Variants in SCYL2 observed in about 807,000 individuals in gnomAD.
SCYL2 encodes the protein SCY1-like protein 2.
Under a neutral mutation model 100.4 loss-of-function variants are expected in SCYL2, and 36 were observed. The ratio of observed to expected loss-of-function variants is 0.36; its 90% CI spans 0.27 to 0.47. The LOEUF is 0.47. Among genes scored for constraint, SCYL2 ranks in the 20% least tolerant of loss-of-function variants. The pLI, the probability that SCYL2 is intolerant of heterozygous loss-of-function variation, is 1.00. For synonymous variants in SCYL2, 330 were observed against 359.2 expected, an observed-to-expected ratio of 0.92 and a Z score of 0.92; for missense variants, 902 against 1,083.9, an observed-to-expected ratio of 0.83 and a Z score of 2.36.
intron 4 of SCYL2, among the ~76,000 whole-genome samples, chr12:100,304,667 T>A (rs2096331917): frequency 6.6e-6 from 1 of 152,108 alleles, no homozygotes; most frequent in Non-Finnish European, 1.5e-5. Context: ...ACCTTAAATG[T>A]AAACGGGCTA....
At chr12:100,299,894 G>C (rs1057123870) in intron 4 of SCYL2, among the ~76,000 whole-genome samples, 2 of 152,142 alleles carry the variant, frequency 1.3e-5, no homozygotes, top group Non-Finnish European at 2.9e-5. Flanking sequence ...GGAATGGCTA[G>C]ATCAAATAGT....
intron 12 of SCYL2, among the ~76,000 whole-genome samples, chr12:100,328,269 C>A (rs1474215515): frequency 6.9e-6 from 1 of 145,508 alleles, no homozygotes; most frequent in South Asian, 2.1e-4. Flanking sequence ...CAGGGCAAGA[C>A]CCTGTCTTAA....
chr12:100,330,797 C>T (rs1952199419), intron 13 of SCYL2, among the ~76,000 whole-genome samples: 2 of 150,258 alleles, frequency 1.3e-5, no homozygotes, highest in African/African-American at 4.9e-5. Flanking sequence ...GGGTAAGCCT[C>T]TGAAAATTTG....
chr12:100,273,596 A>G (rs1204873878), intron 1 of SCYL2, among the ~76,000 whole-genome samples: 1 of 152,184 alleles, frequency 6.6e-6, no homozygotes, highest in Non-Finnish European at 1.5e-5. Flanking sequence ...TGGATGATGG[A>G]TAGCATCTCA....
At chr12:100,293,246 T>A (rs932179038) in intron 3 of SCYL2, among the ~76,000 whole-genome samples, 5 of 152,170 alleles carry the variant, frequency 3.3e-5, no homozygotes, top group Admixed American at 3.3e-4. Flanking sequence ...TGCATGCTGC[T>A]GCACCTGGCT....
intron 1 of SCYL2, among the ~76,000 whole-genome samples, chr12:100,268,268 C>A (rs17030071): frequency 0.042 from 6,349 of 152,208 alleles, 475 homozygotes; most frequent in African/African-American, 0.14. Context: ...TCTAAGTAGC[C>A]TATCTCCGTT....
rs2096300644 is a variant in SCYL2 at position 100,283,099 on chromosome 12, T to A, written c.129T>A (p.Asn43Lys). 6.2e-7 allele frequency: 1 copy of A among 1,611,052 alleles called. No individual in the cohort carries two copies. Among genetic ancestry groups the A allele is most frequent in the African/African-American group, 1.3e-5 (1 of 74,886 alleles). ...GTCGACACATTGCCAGTGGTGGCAA[T>A]GGGCTAGCTTGGAAGATTTTTAATG... is the stretch of plus-strand genomic sequence containing the variant. ...DVGRHIASGG[N>K]GLAWKIFNGT... is the part of the protein sequence containing the mutation. Residue 43 changes from asparagine (N) to lysine (K), a missense_variant, in exon 2 of 18, where the codon AAT becomes AAA. Asn to Lys is a moderately conservative substitution (Grantham distance 94). Transcript: ENST00000360820.
At chr12:100,313,079 T>C (rs932716228) in intron 6 of SCYL2, among the ~76,000 whole-genome samples, 3 of 152,182 alleles carry the variant, frequency 2.0e-5, no homozygotes, top group African/African-American at 7.2e-5. Flanking sequence ...CAGTGAGCTA[T>C]GATTGTGCCA....
intron 13 of SCYL2, among the ~76,000 whole-genome samples, chr12:100,330,771 T>C (rs1592969580): frequency 1.3e-5 from 2 of 152,060 alleles, no homozygotes; most frequent in Middle Eastern, 3.2e-3. Context: ...GAATGAACAT[T>C]TCATTTGAAG....
At chr12:100,281,613 C>T (rs1211025646) in intron 1 of SCYL2, among the ~76,000 whole-genome samples, 4 of 152,250 alleles carry the variant, frequency 2.6e-5, no homozygotes, top group South Asian at 2.1e-4. Flanking sequence ...GCGGGCAGAT[C>T]ACAAGGTCAG....
intron 3 of SCYL2, among the ~76,000 whole-genome samples, chr12:100,295,116 C>T (rs1372491381): frequency 4.0e-5 from 6 of 151,046 alleles, no homozygotes; most frequent in African/African-American, 7.3e-5. Context: ...CGGGCAGAGA[C>T]GCTCTTCACT....
chr12:100,312,652 A>C lies in SCYL2; in HGVS notation c.851A>C (p.Gln284Pro). 6.2e-7 allele frequency: 1 copy of C among 1,604,162 alleles called. No homozygotes were observed. The highest frequency in any genetic ancestry group is 8.5e-7 in the Non-Finnish European group (1 of 1,174,042). Residue 284 changes from glutamine (Q) to proline (P), a missense_variant and splice_region_variant, in exon 6 of 18, where the codon CAG (glutamine) becomes CCG (proline). Gln to Pro is a moderately conservative substitution (Grantham distance 76). Transcript: ENST00000360820. ...AAGAGTTTCAGTAGGCAGTTGGATC[A>C]GGTATTTGCCTATAAATAATTTGCT... ...IYKSFSRQLD[Q>P]LSRLGSSSLT...
chr12:100,275,932 A>G (rs1055687271), intron 1 of SCYL2, among the ~76,000 whole-genome samples: 1 of 152,078 alleles, frequency 6.6e-6, no homozygotes, highest in Admixed American at 6.5e-5. Flanking sequence ...TACTGAGATT[A>G]TCTTGCTTTT....
At chr12:100,276,057 C>G (rs1731434037) in intron 1 of SCYL2, among the ~76,000 whole-genome samples, 1 of 152,106 alleles carries the variant, frequency 6.6e-6, no homozygotes. Flanking sequence ...GTTCTAATAT[C>G]TTAAGGATTT....
intron 3 of SCYL2, among the ~76,000 whole-genome samples, chr12:100,294,517 C>G (rs2096315631): frequency 1.3e-5 from 1 of 76,818 alleles, no homozygotes; most frequent in Admixed American, 1.1e-4. Flanking sequence ...GGGCTGACTC[C>G]CCCAGGCTGA....
rs370597191 is a variant in SCYL2, at chr12:100,278,919, C to T, written c.-28-4024C>T. On this transcript the variant is annotated intron_variant, in intron 1 of 17. Transcript: ENST00000360820. Reference sequence around the variant, plus strand: ...CTGGGATTACAGGCGTGAGCCACCGCGCCTGGCCAGTCTGAGGAAATTCTT... The same window carrying T: ...CTGGGATTACAGGCGTGAGCCACCGTGCCTGGCCAGTCTGAGGAAATTCTT... 4.2e-4 allele frequency among the ~76,000 whole-genome samples: 64 copies of T among 152,190 alleles called. No individual in the cohort carries two copies. In the South Asian group the frequency reaches 0.013, roughly 31 times the overall value.
chr12:100,268,211 A>G (rs2096281926), intron 1 of SCYL2, among the ~76,000 whole-genome samples: 1 of 152,208 alleles, frequency 6.6e-6, no homozygotes, highest in Non-Finnish European at 1.5e-5. Context: ...CTCAGGAATT[A>G]TTTGTGATGA....
Position 100,291,545 on chromosome 12 carries a change from T to C in SCYL2, c.220T>C (p.Tyr74His), listed in dbSNP as rs2096310638. 1.9e-6 allele frequency: 3 copies of C among 1,584,056 alleles called. No homozygotes were observed. Among genetic ancestry groups the C allele is most frequent in the African/African-American group, 2.7e-5 (2 of 73,626 alleles). Residue 74 changes from tyrosine to histidine, a missense_variant, in exon 3 of 18, where the codon TAT (tyrosine) becomes CAT (histidine). Physicochemically the swap from Tyr to His is moderately conservative, Grantham distance 83. Transcript: ENST00000360820. ...FVFDKKLIDK[Y>H]QKFEKDQIID... ...CTTTGATAAAAAACTGATTGACAAGTATCAAAAATTTGAAAAGGATCAAAT... is the reference window on the plus strand; with the variant it reads ...CTTTGATAAAAAACTGATTGACAAGCATCAAAAATTTGAAAAGGATCAAAT...
At chr12:100,324,050 G>T (rs1444697622) in intron 11 of SCYL2, among the ~76,000 whole-genome samples, 1 of 152,014 alleles carries the variant, frequency 6.6e-6, no homozygotes, top group Non-Finnish European at 1.5e-5. Flanking sequence ...ATTTCTCACT[G>T]ACTTGCCCAC....
Sources: allele counts gnomAD v4.1 joint callset (sites outside exome capture counted in the v4.1 genomes callset), GRCh38; gene constraint gnomAD v4.1.1; transcripts MANE v1.5; gene names NCBI Gene and HGNC (gene_info 2026-07-23, HGNC 2026-07-21).